The following ZMIZ1 variants were observed in gnomAD, a reference collection of about 807,000 sequenced individuals.
ZMIZ1 encodes the protein zinc finger MIZ domain-containing protein 1.
Under a neutral mutation model 113.9 loss-of-function variants are expected in ZMIZ1, and 17 were observed. That is an observed-to-expected ratio of 0.15 (90% confidence interval 0.10 to 0.22). The LOEUF (loss-of-function observed/expected upper bound fraction) is 0.22. ZMIZ1 is among the 10% of genes least tolerant of loss of function. ZMIZ1 has a pLI of 1.00. For missense variants in ZMIZ1, 1,059 were observed against 1,477.8 expected, an observed-to-expected ratio of 0.72 and a Z score of 4.65; for synonymous variants, 607 against 603.1, an observed-to-expected ratio of 1.01 and a Z score of -0.09.
intron 8 of ZMIZ1, 53 bp from the exon 9 acceptor site, chr10:79,289,722 C>G: frequency 1.3e-6 from 2 of 1,549,982 alleles, no homozygotes; most frequent in Non-Finnish European, 1.8e-6. Context: ...CATGGCCTGT[C>G]TTGAGTCTGT....
chr10:79,249,505 G>T (rs1046614589), intron 7 of ZMIZ1, among the ~76,000 whole-genome samples: 1 of 152,248 alleles, frequency 6.6e-6, no homozygotes, highest in Non-Finnish European at 1.5e-5. Context: ...CAGCTTGTCT[G>T]TGTGATGTGA....
At chr10:79,170,388 C>T (rs1268988013) in intron 4 of ZMIZ1, among the ~76,000 whole-genome samples, 1 of 152,228 alleles carries the variant, frequency 6.6e-6, no homozygotes, top group Admixed American at 6.5e-5. Flanking sequence ...GGTTTCCGCC[C>T]CATTCCTTTT....
chr10:79,170,325 T>C (rs1325066382), intron 4 of ZMIZ1, among the ~76,000 whole-genome samples: 1 of 152,194 alleles, frequency 6.6e-6, no homozygotes, highest in Non-Finnish European at 1.5e-5. Context: ...TAAAACCTCA[T>C]GACAATCAGA....
At chr10:79,187,981 G>A (rs894691920) in intron 4 of ZMIZ1, among the ~76,000 whole-genome samples, 2 of 152,194 alleles carry the variant, frequency 1.3e-5, no homozygotes, top group Non-Finnish European at 2.9e-5. Context: ...CTGATCTTGG[G>A]CAAGTTCCTT....
chr10:79,231,505 A>T (rs1439843762), intron 7 of ZMIZ1, among the ~76,000 whole-genome samples: 2 of 151,914 alleles, frequency 1.3e-5, no homozygotes, highest in African/African-American at 4.8e-5. Context: ...CGGCCTCCCA[A>T]AGTGCTAAGA....
At chr10:79,076,228 C>T (rs1842470416) in intron 1 of ZMIZ1, among the ~76,000 whole-genome samples, 1 of 152,164 alleles carries the variant, frequency 6.6e-6, no homozygotes, top group Admixed American at 6.5e-5. Flanking sequence ...GCCTGGAACC[C>T]CATCTCCGCC....
chr10:79,302,025 C>G, intron 17 of ZMIZ1, 82 bp from the exon 18 acceptor site: 1 of 1,401,174 alleles, frequency 7.1e-7, no homozygotes, highest in Non-Finnish European at 1.0e-6. Flanking sequence ...ATCCTGGGAG[C>G]AGTCTAGGGC....
intron 4 of ZMIZ1, among the ~76,000 whole-genome samples, chr10:79,172,904 C>T (rs969037085): frequency 2.6e-5 from 4 of 152,222 alleles, no homozygotes; most frequent in Non-Finnish European, 4.4e-5. Context: ...AGTAAATTTT[C>T]TGCCAGCCTT....
intron 1 of ZMIZ1, among the ~76,000 whole-genome samples, chr10:79,093,288 A>ATTTT (rs1380174671): frequency 2.8e-4 from 37 of 129,864 alleles, no homozygotes; most frequent in African/African-American, 9.7e-4. Flanking sequence ...CCCCAGTTTT[A>ATTTT]TTTTATTTAT....
At chr10:79,241,072 T>C (rs1442953752) in intron 7 of ZMIZ1, among the ~76,000 whole-genome samples, 8 of 152,186 alleles carry the variant, frequency 5.3e-5, no homozygotes, top group Non-Finnish European at 1.0e-4. Context: ...GGGGAAGGGT[T>C]TGTGTTCTGG....
intron 4 of ZMIZ1, among the ~76,000 whole-genome samples, chr10:79,170,061 C>G (rs1846536483): frequency 6.6e-6 from 1 of 152,238 alleles, no homozygotes. Flanking sequence ...CCCAGGCCAC[C>G]TGGGACACCT....
intron 4 of ZMIZ1, among the ~76,000 whole-genome samples, chr10:79,172,203 T>A (rs1018363594): frequency 2.0e-5 from 3 of 152,016 alleles, no homozygotes; most frequent in African/African-American, 7.3e-5. Context: ...GTCACCCTCC[T>A]AAGGGCACAC....
intron 21 of ZMIZ1, 81 bp from the exon 22 acceptor site, chr10:79,306,019 G>T: frequency 1.9e-6 from 3 of 1,553,292 alleles, no homozygotes; most frequent in Non-Finnish European, 2.6e-6. Flanking sequence ...GGTCACCTGG[G>T]TGTCTGTCGG....
intron 7 of ZMIZ1, among the ~76,000 whole-genome samples, chr10:79,259,801 A>G (rs1364846416): frequency 6.6e-6 from 1 of 152,116 alleles, no homozygotes; most frequent in Admixed American, 6.5e-5. Flanking sequence ...TAGTAGAGAC[A>G]GGGTTTCACC....
At chr10:79,304,263 G>C in intron 19 of ZMIZ1, 88 bp downstream of exon 19, 1 of 1,502,024 alleles carries the variant, frequency 6.7e-7, no homozygotes, top group East Asian at 2.3e-5. Flanking sequence ...AACAGAGCCT[G>C]TCCTAACACT....
At chr10:79,085,696 A>G (rs112937230) in intron 1 of ZMIZ1, among the ~76,000 whole-genome samples, 74 of 152,356 alleles carry the variant, frequency 4.9e-4, no homozygotes, top group African/African-American at 1.6e-3. Context: ...CTTCAGCCCA[A>G]GAGATGCCCC....
intron 23 of ZMIZ1, among the ~76,000 whole-genome samples, chr10:79,308,323 C>T (rs1854873183): frequency 6.6e-6 from 1 of 152,244 alleles, no homozygotes; most frequent in South Asian, 2.1e-4. Context: ...AAACTCCTGG[C>T]AGTGCGTGGG....
intron 1 of ZMIZ1, among the ~76,000 whole-genome samples, chr10:79,085,496 A>C (rs1842784043): frequency 6.6e-6 from 1 of 152,204 alleles, no homozygotes; most frequent in African/African-American, 2.4e-5. Context: ...TCTGGCCTGC[A>C]CCAGACCCAG....
At chr10:79,238,405 G>T (rs2132815913) in intron 7 of ZMIZ1, among the ~76,000 whole-genome samples, 1 of 152,338 alleles carries the variant, frequency 6.6e-6, no homozygotes, top group South Asian at 2.1e-4. Flanking sequence ...AGAGTGGCAG[G>T]AGGCTAAGAG....
Sources: gnomAD v4.1 joint callset for allele counts (sites outside exome capture counted in the v4.1 genomes callset) on GRCh38, gnomAD v4.1.1 for gene constraint, MANE v1.5 for transcripts, NCBI Gene and HGNC (gene_info 2026-07-23, HGNC 2026-07-21) for gene names.